Variants in UBAC1 observed in about 807,000 individuals in gnomAD.
The protein encoded by UBAC1 is UBA domain containing 1.
A neutral mutation model predicts 45.9 loss-of-function variants in UBAC1; 27 were observed. That is an observed-to-expected ratio of 0.59 (90% CI 0.43 to 0.81). UBAC1 has a LOEUF of 0.81. Ranked by LOEUF, UBAC1 falls within the 30% of genes least tolerant of loss-of-function variation. The probability of loss-of-function intolerance (pLI) is 0.00; values close to 1 mark genes in which losing one functional copy is unlikely to be tolerated. For missense variants in UBAC1, 529 were observed against 539.2 expected (o/e 0.98, Z 0.19); for synonymous variants, 227 against 215.5 (o/e 1.05, Z -0.47).
At chr9:135,953,385 C>T (rs1238013802) in intron 3 of UBAC1, among the ~76,000 whole-genome samples, 1 of 152,078 alleles carries the variant, frequency 6.6e-6, no homozygotes, top group Non-Finnish European at 1.5e-5. Flanking sequence ...GGCACGATCT[C>T]GGCTCACTGC....
At chr9:135,946,168 A>T (rs1839331478) in intron 5 of UBAC1, 101 bp downstream of exon 5, 2 of 1,069,260 alleles carry the variant, frequency 1.9e-6, no homozygotes, top group African/African-American at 1.6e-5. Flanking sequence ...GCTTCCATAA[A>T]GCACTGAGGT....
chr9:135,961,148 C>T lies in UBAC1; in HGVS notation c.15G>A (p.Glu5=). 3 of 1,575,040 alleles carry T rather than the reference C, an allele frequency of 1.9e-6. No individual in the cohort carries two copies. The highest frequency in any genetic ancestry group is 2.6e-6 in the Non-Finnish European group (3 of 1,167,272). The change falls in exon 1 of 10, where the codon GAG becomes GAA. Residue 5 remains glutamate, a synonymous_variant. Coordinates refer to ENST00000371756, the MANE Select transcript of UBAC1 (RefSeq NM_016172.3). ...GCACCTTGCCCGCGAAGATCTTCTCCTCCTGCACGAACATCCCGCCGCCGC... is the reference window on the plus strand; with the variant it reads ...GCACCTTGCCCGCGAAGATCTTCTCTTCCTGCACGAACATCCCGCCGCCGC... MFVQ[E]EKIFAGKVLR...
In UBAC1 at chr9:135,953,761, AAAC is replaced by A. The variant is rs1313449906; in HGVS notation, c.260-11_260-9del. 6.2e-7 allele frequency: 1 copy of A among 1,613,064 alleles called. No homozygotes were observed. On this transcript the variant is annotated splice_polypyrimidine_tract_variant and intron_variant, in intron 2 of 9. Coordinates refer to ENST00000371756, the MANE Select transcript of UBAC1 (RefSeq NM_016172.3). ...TTATCAATAATAGGACATCTAGAAA[AAAC>A]AACACGTATATCCAACACACTGGTT...
At chr9:135,947,736 C>G in intron 4 of UBAC1, 62 bp downstream of exon 4, 1 of 1,421,350 alleles carries the variant, frequency 7.0e-7, no homozygotes, top group South Asian at 1.2e-5. Flanking sequence ...CAGGAACCCC[C>G]CCACAGCAAT....
intron 7 of UBAC1, among the ~76,000 whole-genome samples, chr9:135,943,347 G>A (rs776634638): frequency 3.9e-5 from 6 of 152,270 alleles, no homozygotes; most frequent in Non-Finnish European, 7.4e-5. Context: ...CAGCCTGGGC[G>A]ACAGAGCAAG....
chr9:135,950,069 C>T (rs1839389431), intron 3 of UBAC1, among the ~76,000 whole-genome samples: 2 of 152,178 alleles, frequency 1.3e-5, no homozygotes, highest in South Asian at 4.1e-4. Flanking sequence ...CGCCGGAAGA[C>T]CTCAGAAGCA....
intron 3 of UBAC1, among the ~76,000 whole-genome samples, chr9:135,952,101 G>A (rs895960923): frequency 1.3e-5 from 2 of 152,266 alleles, no homozygotes; most frequent in Non-Finnish European, 2.9e-5. Flanking sequence ...GGGACAGGCG[G>A]AGGCAGGCCC....
At chr9:135,946,195 T>G in intron 5 of UBAC1, 74 bp downstream of exon 5, 1 of 1,162,148 alleles carries the variant, frequency 8.6e-7, no homozygotes, top group Non-Finnish European at 1.3e-6. Context: ...CAGTGGTCAG[T>G]GCGTGGAGCT....
At chr9:135,935,516 A>G (rs1839193027) in intron 9 of UBAC1, among the ~76,000 whole-genome samples, 1 of 152,178 alleles carries the variant, frequency 6.6e-6, no homozygotes, top group Non-Finnish European at 1.5e-5. Context: ...ATGGTCGTGC[A>G]TGCCTGTAGT....
At position 135,951,982 on chromosome 9, in the gene UBAC1, C is replaced by T. The variant is rs377363568; in HGVS notation, c.333+1698G>A. Among the ~76,000 whole-genome samples the T allele has an allele frequency of 1.8e-4, 28 of 152,280 alleles. No homozygotes were observed. In the East Asian group the frequency reaches 4.8e-3, roughly 26 times the overall value. On this transcript the variant is annotated intron_variant, in intron 3 of 9. Coordinates refer to ENST00000371756, the MANE Select transcript of UBAC1 (RefSeq NM_016172.3). ...GGGCAACGGGTGTATGGTCAGACCC[C>T]GCTGTTTATATTAGTTACGGGCCTG...
At chr9:135,959,518 G>A (rs1040871453) in intron 1 of UBAC1, among the ~76,000 whole-genome samples, 4 of 152,004 alleles carry the variant, frequency 2.6e-5, no homozygotes, top group Non-Finnish European at 5.9e-5. Flanking sequence ...GGGATTACAG[G>A]CACACACCAC....
chr9:135,946,102 C>A, intron 5 of UBAC1, 105 bp from the exon 6 acceptor site: 1 of 1,199,658 alleles, frequency 8.3e-7, no homozygotes, highest in Non-Finnish European at 1.2e-6. Flanking sequence ...CACCTGCCCG[C>A]CCTCAGGCAC....
intron 9 of UBAC1, among the ~76,000 whole-genome samples, chr9:135,937,440 C>A (rs1299411639): frequency 5.4e-3 from 538 of 99,724 alleles, no homozygotes; most frequent in Middle Eastern, 0.011. Context: ...GACTCTGTCT[C>A]AAAAAAAAAA....
chr9:135,943,645 A>G (rs1031608315), intron 7 of UBAC1, among the ~76,000 whole-genome samples: 2 of 152,188 alleles, frequency 1.3e-5, no homozygotes, highest in African/African-American at 4.8e-5. Flanking sequence ...TGTTATAAAG[A>G]TATGTGCACA....
chr9:135,935,938 A>G (rs561235844), intron 9 of UBAC1, among the ~76,000 whole-genome samples: 1 of 151,474 alleles, frequency 6.6e-6, no homozygotes, highest in African/African-American at 2.4e-5. Context: ...AGGCAGGAGA[A>G]TGGCGTGAAC....
rs748078884 is a variant in UBAC1 at position 135,955,359 on chromosome 9, G to A, written c.195C>T (p.His65=). 3.0e-5 allele frequency: 49 copies of A among 1,606,842 alleles called. No individual in the cohort carries two copies. Among genetic ancestry groups the A allele is most frequent in the Non-Finnish European group, 3.6e-5 (42 of 1,178,140 alleles). ...CACTCAGCACCCTCTCTGAGGCAGC[G>A]TGGATTAATTTATGATGGGTTATAC... ...PKSITHHKLI[H]AASERVLSDA... The change falls in exon 2 of 10, where the codon CAC becomes CAT. Residue 65 remains histidine, a synonymous_variant. Transcript: ENST00000371756.
intron 2 of UBAC1, among the ~76,000 whole-genome samples, chr9:135,954,266 C>T (rs1479400971): frequency 5.9e-5 from 9 of 151,708 alleles, no homozygotes; most frequent in African/African-American, 2.4e-5. Context: ...GACAACATGG[C>T]GAGACCCCAT....
At chr9:135,944,871 A>AG (rs1351843004) in intron 7 of UBAC1, among the ~76,000 whole-genome samples, 157 bp downstream of exon 7, 1 of 150,562 alleles carries the variant, frequency 6.6e-6, no homozygotes, top group Non-Finnish European at 1.5e-5. Context: ...GCCATTTCCC[A>AG]GGCCCACCTG....
At chr9:135,941,277 G>C (rs1318396780) in intron 7 of UBAC1, among the ~76,000 whole-genome samples, 1 of 152,122 alleles carries the variant, frequency 6.6e-6, no homozygotes, top group Admixed American at 6.6e-5. Flanking sequence ...GTGGTGGCGG[G>C]CACCTGTAAT....
Sources: gnomAD v4.1 joint callset for allele counts (sites outside exome capture counted in the v4.1 genomes callset) on GRCh38, gnomAD v4.1.1 for gene constraint, MANE v1.5 for transcripts, NCBI Gene and HGNC (gene_info 2026-07-23, HGNC 2026-07-21) for gene names.